Variants in GPN3 observed in about 807,000 individuals in gnomAD.
The protein encoded by GPN3 is ATP-binding domain 1 family member C.
Under a neutral mutation model 38.7 loss-of-function variants are expected in GPN3, and 31 were observed. The observed-to-expected ratio is 0.80, with a 90% CI of 0.60 to 1.08. The LOEUF is 1.08. Among genes scored for constraint, GPN3 ranks in the 50% least tolerant of loss-of-function variants. The pLI, the probability that GPN3 is intolerant of heterozygous loss-of-function variation, is 0.00. For synonymous variants in GPN3, 116 were observed against 120.2 expected, an observed-to-expected ratio of 0.96 and a Z score of 0.23; for missense variants, 301 against 354.4, an observed-to-expected ratio of 0.85 and a Z score of 1.21.
chr12:110,467,215 C>A (rs150917305), intron 1 of GPN3, among the ~76,000 whole-genome samples: 10 of 152,158 alleles, frequency 6.6e-5, no homozygotes, highest in African/African-American at 1.7e-4. Context: ...GTCCCAAACT[C>A]CTGGGCTCAG....
intron 6 of GPN3, 28 bp downstream of exon 6, chr12:110,455,558 C>A (rs1193177265): frequency 1.0e-6 from 1 of 964,926 alleles, no homozygotes; most frequent in Non-Finnish European, 1.7e-6. Flanking sequence ...CTGCACCTGG[C>A]CAAAAAATCC....
At position 110,457,615 on chromosome 12, in the gene GPN3, A is replaced by G; in HGVS notation, c.345T>C (p.Thr115=). 1 of 1,602,408 alleles carries G rather than the reference A, an allele frequency of 6.2e-7. No individual in the cohort carries two copies. ...FDCPGQIELY[T]HLPVMKQLVQ... ...CCAGCTGTTTCATCACAGGCAGGTG[A>G]GTGTACAACTCAATCTGACCTACAT... The change falls in exon 4 of 8, where the codon ACT becomes ACC. Residue 115 remains threonine (T), a synonymous_variant. Transcript: ENST00000228827.
At chr12:110,468,424 A>C, upstream of GPN3, 1 of 1,534,252 alleles carries the variant, frequency 6.5e-7, no homozygotes, top group Middle Eastern at 1.7e-4. Flanking sequence ...CGTGCGCAAA[A>C]GTAGTTGATG....
chr12:110,466,013 G>A (rs1040681308), intron 1 of GPN3, among the ~76,000 whole-genome samples: 5 of 151,686 alleles, frequency 3.3e-5, no homozygotes, highest in African/African-American at 1.2e-4. Flanking sequence ...GGAGGCAGAG[G>A]TCGCAGTGAG....
chr12:110,454,451 C>G lies in GPN3; in HGVS notation c.664-580G>C, dbSNP rs151235224. 5.7e-3 allele frequency among the ~76,000 whole-genome samples: 842 copies of G among 148,258 alleles called. 12 individuals are homozygous for G. The highest frequency in any genetic ancestry group is 0.019 in the African/African-American group (777 of 40,208). On this transcript the variant is annotated intron_variant, in intron 6 of 7. Coordinates refer to ENST00000228827, the MANE Select transcript of GPN3 (RefSeq NM_016301.4). Reference sequence around the variant, plus strand: ...GTTGCTCAACCTCCACCTCCAGGTTCAAGCAATTCTCCTGCCTCAGCCTCC... The same window carrying G: ...GTTGCTCAACCTCCACCTCCAGGTTGAAGCAATTCTCCTGCCTCAGCCTCC...
chr12:110,456,801 G>T (rs1031655996), intron 4 of GPN3, among the ~76,000 whole-genome samples: 1 of 151,242 alleles, frequency 6.6e-6, no homozygotes, highest in Non-Finnish European at 1.5e-5. Context: ...GTACTCAAGC[G>T]ATCCTCCCAC....
At chr12:110,453,425 A>T (rs1428211514) in intron 7 of GPN3, among the ~76,000 whole-genome samples, 3 of 152,210 alleles carry the variant, frequency 2.0e-5, no homozygotes, top group Non-Finnish European at 4.4e-5. Flanking sequence ...AAAAAATAAA[A>T]AAATGCTTAG....
chr12:110,467,588 TCTC>T lies in GPN3; in HGVS notation c.48+565_48+567del, dbSNP rs199839257. Among the ~76,000 whole-genome samples, 1,043 of 152,196 alleles carry T rather than the reference TCTC, an allele frequency of 6.9e-3. 1 individual carries two copies. Among genetic ancestry groups the T allele is most frequent in the Non-Finnish European group, 9.4e-3 (637 of 68,022 alleles). On this transcript the variant is annotated intron_variant, in intron 1 of 7. Coordinates refer to ENST00000228827, the MANE Select transcript of GPN3 (RefSeq NM_016301.4). ...ATACACACTAGCACCGAGCACAACT[TCTC>T]CTAAATGCGAAGTTGAGAACTGAAA...
chr12:110,468,494 T>TA, upstream of GPN3: 1 of 1,537,186 alleles, frequency 6.5e-7, no homozygotes. Flanking sequence ...GGACAACAGA[T>TA]AAAGCTCCGC....
At chr12:110,464,081 C>T (rs993131906) in intron 2 of GPN3, among the ~76,000 whole-genome samples, 2 of 151,880 alleles carry the variant, frequency 1.3e-5, no homozygotes, top group African/African-American at 4.8e-5. Context: ...GTGATCCTCC[C>T]ACATCAGCCT....
chr12:110,466,058 C>T (rs2062625217), intron 1 of GPN3, among the ~76,000 whole-genome samples: 1 of 149,944 alleles, frequency 6.7e-6, no homozygotes, highest in African/African-American at 2.5e-5. Context: ...GCCTGGATGA[C>T]AGAACAAGAC....
intron 1 of GPN3, 72 bp from the exon 2 acceptor site, chr12:110,465,286 T>C (rs2062619725): frequency 2.3e-6 from 2 of 875,338 alleles, no homozygotes; most frequent in Middle Eastern, 2.2e-4. Context: ...TCTGGAATAC[T>C]ATCCACTAAG....
In GPN3 at chr12:110,457,519, C is replaced by G; in HGVS notation, c.441G>C (p.Glu147Asp). 1 of 1,453,804 alleles carries G rather than the reference C, an allele frequency of 6.9e-7. No homozygotes were observed. The highest frequency in any genetic ancestry group is 9.4e-7 in the Non-Finnish European group (1 of 1,059,634). The allele number at this position is 1,453,804 out of a possible 1,614,324, so 90.1% of individuals were successfully genotyped here. Residue 147 changes from glutamate to aspartate, a missense_variant, in exon 4 of 8, where the codon GAG becomes GAC. By Grantham distance (45) the Glu-to-Asp change is conservative (BLOSUM62 2). Transcript: ENST00000228827. ...AGATTTAGCTTCAGACCTTGAATGA[C>G]TCCACCATGAACTGAGAATCAACAA... ...VFLVDSQFMV[E>D]SFKFISGILA...
chr12:110,465,112 T>G lies in GPN3; in HGVS notation c.151A>C (p.Met51Leu). The change falls in exon 2 of 8, where the codon ATG becomes CTG. Residue 51 changes from methionine (M) to leucine (L), a missense_variant. Physicochemically the swap from Met to Leu is conservative, Grantham distance 15. Coordinates refer to ENST00000228827, the MANE Select transcript of GPN3 (RefSeq NM_016301.4). ...GCCTTTGCTCAGGACTTACCAGCCA[T>G]CACGGAGTAGTTGAAGTGTTCTGCT... ...PAAEHFNYSVMADIRELIEVD... is the reference protein window; with the variant it reads ...PAAEHFNYSVLADIRELIEVD... 4 of 1,568,822 alleles carry G rather than the reference T, an allele frequency of 2.5e-6. No homozygotes were observed. The highest frequency in any genetic ancestry group is 3.5e-6 in the Non-Finnish European group (4 of 1,138,540).
chr12:110,454,385 TTTC>T (rs1367459804), intron 6 of GPN3, among the ~76,000 whole-genome samples: 7 of 150,734 alleles, frequency 4.6e-5, no homozygotes, highest in African/African-American at 1.7e-4. Context: ...CATCTTTTTT[TTTC>T]TTTTTTTTTT....
chr12:110,455,684 T>G lies in GPN3; in HGVS notation c.567-2A>C. The G allele has an allele frequency of 3.3e-6, 4 of 1,228,598 alleles. No homozygotes were observed. The highest frequency in any genetic ancestry group is 4.8e-6 in the Non-Finnish European group (4 of 834,900). 76.1% of individuals were successfully genotyped at this position (1,228,598 alleles called of 1,614,324 possible). A position where few individuals can be genotyped will look rare whatever the true frequency, so the allele number is the denominator to read the frequency against. ...GAATACATGTCTGGATCTAAAAATCTTTAAAAGACAGAAAGACTGATGAAT... is the reference window on the plus strand; with the variant it reads ...GAATACATGTCTGGATCTAAAAATCGTTAAAAGACAGAAAGACTGATGAAT... On this transcript the variant is annotated splice_acceptor_variant, in intron 5 of 7. Transcript: ENST00000228827. LOFTEE classifies it high-confidence loss of function.
chr12:110,466,923 AG>A (rs1485284714), intron 1 of GPN3, among the ~76,000 whole-genome samples: 5 of 152,128 alleles, frequency 3.3e-5, no homozygotes, highest in Admixed American at 6.6e-5. Flanking sequence ...ATAAGTCAAC[AG>A]CTTAGAACAA....
chr12:110,454,807 C>T (rs1467975021), intron 6 of GPN3, among the ~76,000 whole-genome samples: 9 of 151,542 alleles, frequency 5.9e-5, no homozygotes, highest in African/African-American at 1.7e-4. Flanking sequence ...AGACTACAGG[C>T]GTGCAGCACC....
At chr12:110,456,434 TC>T (rs1333052957) in intron 4 of GPN3, among the ~76,000 whole-genome samples, 1 of 151,956 alleles carries the variant, frequency 6.6e-6, no homozygotes, top group Non-Finnish European at 1.5e-5. Flanking sequence ...AAAAAAATGT[TC>T]CCAAATCATT....
Sources: allele counts gnomAD v4.1 joint callset (sites outside exome capture counted in the v4.1 genomes callset), GRCh38; gene constraint gnomAD v4.1.1; transcripts MANE v1.5; gene names NCBI Gene and HGNC (gene_info 2026-07-23, HGNC 2026-07-21).